Variants in RASGRF2 observed in about 807,000 individuals in gnomAD.
RASGRF2 encodes the protein Ras protein specific guanine nucleotide releasing factor 2.
RASGRF2 carries 76 observed loss-of-function variants against 151.0 expected under a neutral mutation model. The observed-to-expected ratio is 0.50, with a 90% confidence interval of 0.42 to 0.61. The LOEUF (loss-of-function observed/expected upper bound fraction) is 0.61. Ranked by LOEUF, RASGRF2 falls within the 20% of genes least tolerant of loss-of-function variation. RASGRF2 has a pLI of 0.00. For synonymous variants in RASGRF2, 504 were observed against 566.5 expected (o/e 0.89, Z 1.57); for missense variants, 1,148 against 1,564.6 (o/e 0.73, Z 4.49).
intron 25 of RASGRF2, among the ~76,000 whole-genome samples, chr5:81,218,439 A>G (rs1275368225): frequency 6.6e-6 from 1 of 152,200 alleles, no homozygotes. Context: ...TCCGAGCACC[A>G]TTTGTTGAAA....
chr5:81,221,183 G>A (rs1755849313), intron 26 of RASGRF2, among the ~76,000 whole-genome samples: 2 of 152,266 alleles, frequency 1.3e-5, no homozygotes, highest in South Asian at 4.1e-4. Flanking sequence ...CCACTGTAAA[G>A]TTATTCTTTT....
At chr5:81,181,812 C>T (rs979950710) in intron 18 of RASGRF2, among the ~76,000 whole-genome samples, 2 of 152,122 alleles carry the variant, frequency 1.3e-5, no homozygotes, top group Non-Finnish European at 2.9e-5. Context: ...AGCCTTGGTT[C>T]CCCTATTCAC....
chr5:81,016,696 A>G (rs1749647019), intron 1 of RASGRF2, among the ~76,000 whole-genome samples: 1 of 152,182 alleles, frequency 6.6e-6, no homozygotes, highest in Non-Finnish European at 1.5e-5. Flanking sequence ...ATAGAAATAA[A>G]GGAAGAATAT....
At position 81,180,281 on chromosome 5, in the gene RASGRF2, G is replaced by GGTAA; in HGVS notation, c.2793+3_2793+6dup. 1 of 1,578,582 alleles carries GGTAA rather than the reference G, an allele frequency of 6.3e-7. No homozygotes were observed. The highest frequency in any genetic ancestry group is 8.7e-7 in the Non-Finnish European group (1 of 1,147,976). Reference sequence around the variant, plus strand: ...GTCACTGGGTCTCAAAGCACGCACAGGTAAGTCAGTGCCCTCATTAATTAC... The same window carrying GGTAA: ...GTCACTGGGTCTCAAAGCACGCACAGGTAAGTAAGTCAGTGCCCTCATTAATTAC... On this transcript the variant is annotated frameshift_variant and splice_region_variant. Coordinates refer to ENST00000265080, the MANE Select transcript of RASGRF2 (RefSeq NM_006909.3). LOFTEE classifies it high-confidence loss of function.
intron 2 of RASGRF2, among the ~76,000 whole-genome samples, chr5:81,047,890 G>GCA (rs373965930): frequency 2.0e-5 from 3 of 151,902 alleles, no homozygotes; most frequent in Non-Finnish European, 4.4e-5. Flanking sequence ...ACACACACAT[G>GCA]CACACACACA....
intron 1 of RASGRF2, among the ~76,000 whole-genome samples, chr5:80,961,684 C>A (rs1038047109): frequency 4.6e-5 from 7 of 152,122 alleles, no homozygotes; most frequent in African/African-American, 1.7e-4. Context: ...AAAATGTGGG[C>A]ATTTTTAAAG....
rs192206884 is a variant in RASGRF2 at position 81,188,766 on chromosome 5, C to T, written c.2793+8485C>T. 4.7e-3 allele frequency among the ~76,000 whole-genome samples: 710 copies of T among 152,288 alleles called. 1 individual carries two copies. The highest frequency in any genetic ancestry group is 7.1e-3 in the Non-Finnish European group (480 of 68,034). On this transcript the variant is annotated intron_variant, in intron 18 of 26. Coordinates refer to ENST00000265080, the MANE Select transcript of RASGRF2 (RefSeq NM_006909.3). ...TGGGGAAATGGAAGCTCAGACTGAA[C>T]CATTTCCCTGAGGTTCCACCGATAG...
chr5:81,007,854 G>T (rs1474611587), intron 1 of RASGRF2, among the ~76,000 whole-genome samples: 1 of 152,066 alleles, frequency 6.6e-6, no homozygotes, highest in African/African-American at 2.4e-5. Flanking sequence ...ATCCGATGCA[G>T]CTTCTCATTT....
chr5:81,112,735 G>A lies in RASGRF2; in HGVS notation c.1964G>A (p.Arg655Gln), dbSNP rs759249378. 9 of 1,613,986 alleles carry A rather than the reference G, an allele frequency of 5.6e-6. No homozygotes were observed. The highest frequency in any genetic ancestry group is 1.1e-5 in the South Asian group (1 of 91,080). Residue 655 changes from arginine (R) to glutamine (Q), a missense_variant, in exon 14 of 27, where the codon CGG (arginine) becomes CAG (glutamine). Physicochemically the swap from Arg to Gln is conservative, Grantham distance 43 (BLOSUM62 1). Transcript: ENST00000265080. ...ERLLERLTDL[R>Q]FLSIDFLNTF... Reference sequence around the variant, plus strand: ...CTCTTGGAACGACTGACAGACTTGCGGTTTCTTAGTATTGATTTCCTCAAC... The same window carrying A: ...CTCTTGGAACGACTGACAGACTTGCAGTTTCTTAGTATTGATTTCCTCAAC...
intron 15 of RASGRF2, among the ~76,000 whole-genome samples, chr5:81,114,287 C>T (rs891455510): frequency 6.6e-6 from 1 of 152,182 alleles, no homozygotes; most frequent in Non-Finnish European, 1.5e-5. Context: ...TACCCTCACC[C>T]GTGAGCTCAG....
chr5:81,129,476 C>A (rs1344694754), intron 17 of RASGRF2, among the ~76,000 whole-genome samples: 2 of 152,044 alleles, frequency 1.3e-5, no homozygotes, highest in Non-Finnish European at 2.9e-5. Context: ...AAACATTTTG[C>A]AAATTGACCA....
chr5:81,021,488 G>A (rs1019566172), intron 1 of RASGRF2, among the ~76,000 whole-genome samples: 2 of 152,036 alleles, frequency 1.3e-5, no homozygotes, highest in African/African-American at 2.4e-5. Context: ...AGTAATTCAC[G>A]TGTCCTCCTG....
Position 81,219,720 on chromosome 5 carries a change from T to G in RASGRF2, c.3563T>G (p.Ile1188Ser). ...NFSKMRMISH[I>S]IREIRQFQQT... Reference sequence around the variant, plus strand: ...TTTTTTCTCTGTTAGATATCACACATCATCAGAGAGATACGCCAGTTCCAG... The same window carrying G: ...TTTTTTCTCTGTTAGATATCACACAGCATCAGAGAGATACGCCAGTTCCAG... The change falls in exon 26 of 27, where the codon ATC becomes AGC. Residue 1188 changes from isoleucine to serine, a missense_variant. Transcript: ENST00000265080. 1 of 1,609,492 alleles carries G rather than the reference T, an allele frequency of 6.2e-7. No individual in the cohort carries two copies. Among genetic ancestry groups the G allele is most frequent in the South Asian group, 1.1e-5 (1 of 90,968 alleles).
intron 10 of RASGRF2, 22 bp from the exon 11 acceptor site, chr5:81,094,274 T>C (rs759104031): frequency 1.2e-6 from 2 of 1,604,056 alleles, no homozygotes; most frequent in Non-Finnish European, 1.7e-6. Context: ...AGCGTCTTAG[T>C]GAAAAATTGG....
At chr5:81,197,560 G>A (rs1324630227) in intron 18 of RASGRF2, among the ~76,000 whole-genome samples, 1 of 148,350 alleles carries the variant, frequency 6.7e-6, no homozygotes, top group East Asian at 2.0e-4. Flanking sequence ...ATTCAAATTA[G>A]ATTAGACTTG....
At chr5:81,073,066 A>T in intron 4 of RASGRF2, 133 bp from the exon 5 acceptor site, 2 of 1,120,940 alleles carry the variant, frequency 1.8e-6, no homozygotes, top group South Asian at 3.3e-5. Context: ...CATCATCCCT[A>T]GGGAATCCTT....
At chr5:81,098,134 G>T (rs1429272406) in intron 12 of RASGRF2, among the ~76,000 whole-genome samples, 3 of 152,196 alleles carry the variant, frequency 2.0e-5, no homozygotes, top group African/African-American at 7.2e-5. Flanking sequence ...GAGTTTGATT[G>T]TGGATTAGAG....
At chr5:81,214,268 T>C (rs556769744) in intron 23 of RASGRF2, among the ~76,000 whole-genome samples, 42 of 152,220 alleles carry the variant, frequency 2.8e-4, no homozygotes, top group Non-Finnish European at 1.5e-4. Flanking sequence ...ATATTAGCAT[T>C]TCAGTCACAT....
intron 5 of RASGRF2, among the ~76,000 whole-genome samples, chr5:81,074,321 G>A (rs1424374412): frequency 6.6e-6 from 1 of 152,112 alleles, no homozygotes; most frequent in Non-Finnish European, 1.5e-5. Flanking sequence ...AATAAAGAAG[G>A]GAATGGGAGA....
Sources: allele counts gnomAD v4.1 joint callset (sites outside exome capture counted in the v4.1 genomes callset), GRCh38; gene constraint gnomAD v4.1.1; transcripts MANE v1.5; gene names NCBI Gene and HGNC (gene_info 2026-07-23, HGNC 2026-07-21).